The following MYO1D variants were observed in gnomAD, a reference collection of about 807,000 sequenced individuals.
The protein encoded by MYO1D is myosin ID.
A neutral mutation model predicts 122.0 loss-of-function variants in MYO1D; 83 were observed. The observed-to-expected ratio is 0.68, with a 90% CI of 0.57 to 0.82. The LOEUF is 0.82. Ranked by LOEUF, MYO1D falls within the 40% of genes least tolerant of loss-of-function variation. MYO1D has a pLI of 0.00. For synonymous variants in MYO1D, 464 were observed against 446.9 expected (o/e 1.04, Z -0.48); for missense variants, 1,157 against 1,269.5 (o/e 0.91, Z 1.35).
rs924587440 is a variant in MYO1D, at chr17:32,612,776, A to AT, written c.2710-7536dup. ...GTAATTTCATATTAATGAAATGCAT[A>AT]TTTTTTTTTAAAGATGTGGTCTAGC... On this transcript the variant is annotated intron_variant, in intron 20 of 21. Transcript: ENST00000318217. 2.2e-4 allele frequency among the ~76,000 whole-genome samples: 33 copies of AT among 149,638 alleles called. No individual in the cohort carries two copies. In the East Asian group the frequency reaches 2.6e-3, roughly 12 times the overall value.
chr17:32,786,341 T>C (rs969254954), intron 1 of MYO1D, among the ~76,000 whole-genome samples: 14 of 152,112 alleles, frequency 9.2e-5, no homozygotes, highest in Non-Finnish European at 2.1e-4. Flanking sequence ...TCTTGATAAA[T>C]GAAAAGAGGC....
chr17:32,665,191 T>C (rs544642115), intron 16 of MYO1D, among the ~76,000 whole-genome samples: 2 of 152,296 alleles, frequency 1.3e-5, no homozygotes, highest in Non-Finnish European at 1.5e-5. Flanking sequence ...AAGTTCAACT[T>C]GTCTCCACCT....
intron 5 of MYO1D, 35 bp downstream of exon 5, chr17:32,772,754 C>A (rs1567634828): frequency 3.3e-6 from 5 of 1,522,930 alleles, no homozygotes; most frequent in East Asian, 2.2e-5. Context: ...CACAACTGGG[C>A]AAATGATCAA....
intron 1 of MYO1D, among the ~76,000 whole-genome samples, chr17:32,849,698 G>A (rs1322436928): frequency 1.3e-5 from 2 of 151,898 alleles, no homozygotes; most frequent in East Asian, 1.9e-4. Context: ...AGCATTGGGA[G>A]ATATACCTAA....
At chr17:32,538,464 T>G (rs746869589) in intron 21 of MYO1D, among the ~76,000 whole-genome samples, 4 of 129,174 alleles carry the variant, frequency 3.1e-5, no homozygotes, top group Non-Finnish European at 6.6e-5. Flanking sequence ...ATTATTATTA[T>G]TATTATTTTT....
chr17:32,874,449 C>G (rs1189478211), intron 1 of MYO1D, among the ~76,000 whole-genome samples: 1 of 152,142 alleles, frequency 6.6e-6, no homozygotes, highest in East Asian at 1.9e-4. Flanking sequence ...CTCAAGCAAT[C>G]CTTCTGTCTC....
intron 1 of MYO1D, among the ~76,000 whole-genome samples, chr17:32,826,801 C>T (rs181345520): frequency 1.3e-5 from 2 of 152,166 alleles, no homozygotes; most frequent in Non-Finnish European, 2.9e-5. Flanking sequence ...ATTTATCATA[C>T]TGTTTCATAA....
chr17:32,875,204 T>C (rs1035457659), intron 1 of MYO1D, among the ~76,000 whole-genome samples: 2 of 152,216 alleles, frequency 1.3e-5, no homozygotes, highest in South Asian at 4.1e-4. Context: ...GACAAAATTA[T>C]AAAGGCATTT....
intron 21 of MYO1D, among the ~76,000 whole-genome samples, chr17:32,557,849 A>G (rs531946687): frequency 6.6e-6 from 1 of 152,048 alleles, no homozygotes; most frequent in Non-Finnish European, 1.5e-5. Context: ...TGTGTTTATA[A>G]ATAACATTTT....
chr17:32,771,278 C>T, intron 5 of MYO1D, 58 bp from the exon 6 acceptor site: 1 of 1,188,362 alleles, frequency 8.4e-7, no homozygotes, highest in Non-Finnish European at 1.2e-6. Flanking sequence ...CAAACATGAA[C>T]TTAGTGGTAA....
intron 16 of MYO1D, among the ~76,000 whole-genome samples, chr17:32,677,578 T>TGC (rs1567943759): frequency 1.2e-5 from 1 of 84,036 alleles, no homozygotes; most frequent in Admixed American, 1.5e-4. Context: ...TATAGATAGA[T>TGC]AAATATATAT....
intron 19 of MYO1D, among the ~76,000 whole-genome samples, chr17:32,647,469 C>T (rs1212429430): frequency 1.3e-5 from 2 of 152,162 alleles, no homozygotes; most frequent in Admixed American, 1.3e-4. Context: ...CTCTGTCAGA[C>T]ATAAAATTGT....
chr17:32,753,015 AATCT>A (rs2151011695), intron 11 of MYO1D, among the ~76,000 whole-genome samples: 1 of 152,364 alleles, frequency 6.6e-6, no homozygotes, highest in African/African-American at 2.4e-5. Context: ...GGAAACAATC[AATCT>A]AAGTGTCTAT....
intron 16 of MYO1D, 168 bp from the exon 17 acceptor site, chr17:32,659,506 G>A: frequency 1.6e-6 from 1 of 628,462 alleles, no homozygotes. Context: ...ACCAACAGAT[G>A]GCGTGGGGAG....
At chr17:32,503,782 T>C (rs73274238) in intron 21 of MYO1D, among the ~76,000 whole-genome samples, 1 of 152,254 alleles carries the variant, frequency 6.6e-6, no homozygotes, top group Non-Finnish European at 1.5e-5. Flanking sequence ...CAACAGCTAC[T>C]GACTGGAGCA....
At chr17:32,562,065 A>C (rs1452895856) in intron 21 of MYO1D, among the ~76,000 whole-genome samples, 3 of 151,672 alleles carry the variant, frequency 2.0e-5, no homozygotes, top group African/African-American at 7.3e-5. Flanking sequence ...ATCACAGCTC[A>C]CTGCAGTCTT....
At chr17:32,859,691 C>T (rs183067427) in intron 1 of MYO1D, among the ~76,000 whole-genome samples, 270 of 152,332 alleles carry the variant, frequency 1.8e-3, no homozygotes, top group African/African-American at 6.3e-3. Context: ...CATGTCCTGT[C>T]TTGTTCCTTC....
chr17:32,792,849 G>A (rs2090368808), intron 1 of MYO1D, among the ~76,000 whole-genome samples: 1 of 151,980 alleles, frequency 6.6e-6, no homozygotes, highest in South Asian at 2.1e-4. Context: ...TCTCTATGCT[G>A]TCCAGGCTGG....
intron 21 of MYO1D, among the ~76,000 whole-genome samples, chr17:32,591,940 A>T (rs1194793415): frequency 6.6e-6 from 1 of 152,216 alleles, no homozygotes; most frequent in Non-Finnish European, 1.5e-5. Flanking sequence ...GACCCCTGAT[A>T]AAGAAAGACT....
Sources: gnomAD v4.1 joint callset for allele counts (sites outside exome capture counted in the v4.1 genomes callset) on GRCh38, gnomAD v4.1.1 for gene constraint, MANE v1.5 for transcripts, NCBI Gene and HGNC (gene_info 2026-07-23, HGNC 2026-07-21) for gene names.